Variants in MEGF8 observed in about 807,000 individuals in gnomAD.
MEGF8 encodes the protein multiple EGF like domains 8, also known as multiple epidermal growth factor-like domains protein 8.
A neutral mutation model predicts 302.9 loss-of-function variants in MEGF8; 156 were observed. That is an observed-to-expected ratio of 0.52 (90% confidence interval 0.45 to 0.59). The LOEUF (loss-of-function observed/expected upper bound fraction) is 0.59, where lower values mean the gene tolerates loss of function less well. Ranked by LOEUF, MEGF8 falls within the 20% of genes least tolerant of loss-of-function variation. MEGF8 has a pLI of 0.00. For missense variants in MEGF8, 3,345 were observed against 3,964.5 expected (o/e 0.84, Z 4.20); for synonymous variants, 1,621 against 1,660.5 (o/e 0.98, Z 0.58).
rs1029845137 is a variant in MEGF8, at chr19:42,358,077, C to T, written c.5012-67C>T. 4.8e-5 allele frequency: 67 copies of T among 1,407,102 alleles called. No individual in the cohort carries two copies. Among genetic ancestry groups the T allele is most frequent in the African/African-American group, 5.9e-5 (4 of 67,470 alleles). 87.2% of individuals were successfully genotyped at this position (1,407,102 alleles called of 1,614,324 possible). On this transcript the variant is annotated intron_variant, in intron 28 of 41. Coordinates refer to ENST00000251268, the MANE Select transcript of MEGF8 (RefSeq NM_001271938.2). The surrounding 1 kb of genome is among the most constrained non-coding windows in gnomAD (Gnocchi z 4.4). ...AGGGAGTGGTCACCGAACAGGGGAC[C>T]GGGAGGTCGGCGGGGTCAGTGCTGT...
chr19:42,340,084 C>A (rs2039191069), intron 8 of MEGF8, among the ~76,000 whole-genome samples: 1 of 152,088 alleles, frequency 6.6e-6, no homozygotes, highest in South Asian at 2.1e-4. Context: ...AAAACTATTA[C>A]TTAATCTCTG....
intron 32 of MEGF8, 55 bp from the exon 33 acceptor site, chr19:42,362,035 G>T (rs1423151113): frequency 6.3e-7 from 1 of 1,596,154 alleles, no homozygotes; most frequent in Non-Finnish European, 8.5e-7. Context: ...GTGTCTGGGA[G>T]GCAGAAGGAG....
rs2039254118 is a variant in MEGF8, at chr19:42,344,168, A to G, written c.1788+95A>G. The stretch of plus-strand genomic sequence containing the variant: ...CCAGATGGACAAGAACTTTCCCTCA[A>G]CTGGGAGACTTGTTTTCATGCCGGA... On this transcript the variant is annotated intron_variant, in intron 10 of 41. Transcript: ENST00000251268. The surrounding 1 kb of genome is among the most constrained non-coding windows in gnomAD (Gnocchi z 4.5). 1 of 1,460,848 alleles carries G rather than the reference A, an allele frequency of 6.8e-7. No individual in the cohort carries two copies. The highest frequency in any genetic ancestry group is 2.3e-5 in the Admixed American group (1 of 42,854). 90.5% of individuals were successfully genotyped at this position (1,460,848 alleles called of 1,614,324 possible). A position where few individuals can be genotyped will look rare whatever the true frequency, so the allele number is the denominator to read the frequency against.
At position 42,336,005 on chromosome 19, in the gene MEGF8, C is replaced by T; in HGVS notation, c.903C>T (p.Gly301=). 1 of 1,544,442 alleles carries T rather than the reference C, an allele frequency of 6.5e-7. No homozygotes were observed. The highest frequency in any genetic ancestry group is 8.7e-7 in the Non-Finnish European group (1 of 1,147,048). The stretch of plus-strand genomic sequence containing the variant: ...TGATGGGTGGTGAGCTGGCTGACGG[C>T]TCGCTCACCAACGACGTGTGGGCCT... ...LVLMGGELAD[G]SLTNDVWAFS... The change falls in exon 6 of 42, where the codon GGC becomes GGT. Residue 301 remains glycine (G), a synonymous_variant. Coordinates refer to ENST00000251268, the MANE Select transcript of MEGF8 (RefSeq NM_001271938.2). This position sits in a 1 kb window ranked among gnomAD's most constrained non-coding sequence, Gnocchi z 4.8.
At chr19:42,347,635 A>G (rs956268291) in intron 12 of MEGF8, among the ~76,000 whole-genome samples, 5 of 151,962 alleles carry the variant, frequency 3.3e-5, no homozygotes, top group African/African-American at 1.2e-4. Context: ...TGGGATTACA[A>G]GTGCACGCTA....
rs752290321 is a variant in MEGF8, at chr19:42,353,775, G to C, written c.3762G>C (p.Arg1254=). The change falls in exon 22 of 42, where the codon CGG becomes CGC. Residue 1254 remains arginine, a splice_region_variant and synonymous_variant. Transcript: ENST00000251268. The surrounding 1 kb of genome is among the most constrained non-coding windows in gnomAD (Gnocchi z 6.1). ...CACTGGCTCTTCTCCATCTCCCCAG[G>C]GCCGGTGGTTCCTGCTTTCGGGAGT... ...LCSPGYYGDP[R]AGGSCFRECG... 5 of 1,595,788 alleles carry C rather than the reference G, an allele frequency of 3.1e-6. No homozygotes were observed. The highest frequency in any genetic ancestry group is 4.3e-6 in the Non-Finnish European group (5 of 1,168,306).
chr19:42,361,061 C>T, intron 32 of MEGF8, 55 bp downstream of exon 32: 4 of 1,492,116 alleles, frequency 2.7e-6, no homozygotes, highest in Non-Finnish European at 3.6e-6. Context: ...AATGGGGGTC[C>T]TGTGCTAGGC....
At chr19:42,329,287 C>T (rs1206209087) in intron 1 of MEGF8, among the ~76,000 whole-genome samples, 1 of 152,096 alleles carries the variant, frequency 6.6e-6, no homozygotes, top group Non-Finnish European at 1.5e-5. Flanking sequence ...TAGGGCATTG[C>T]CCTCAGGTTG....
chr19:42,357,787 C>T lies in MEGF8; in HGVS notation c.5011+203C>T, dbSNP rs62114377. 3.7e-3 allele frequency among the ~76,000 whole-genome samples: 561 copies of T among 152,292 alleles called. 1 individual carries two copies. The highest frequency in any genetic ancestry group is 6.5e-3 in the Non-Finnish European group (444 of 68,004). Reference sequence around the variant, plus strand: ...GACTCCACAACTAACTGCCCACTCCCGGCCACATGTGGCCACCGTCCCCTG... The same window carrying T: ...GACTCCACAACTAACTGCCCACTCCTGGCCACATGTGGCCACCGTCCCCTG... On this transcript the variant is annotated intron_variant, in intron 28 of 41. Transcript: ENST00000251268. The surrounding 1 kb of genome is among the most constrained non-coding windows in gnomAD (Gnocchi z 5.2).
intron 32 of MEGF8, among the ~76,000 whole-genome samples, 174 bp downstream of exon 32, chr19:42,361,180 T>TA (rs981577941): frequency 2.6e-4 from 39 of 152,306 alleles, no homozygotes; most frequent in African/African-American, 8.7e-4. Flanking sequence ...TGCCTGGGAC[T>TA]GGGGTCTCAT....
At chr19:42,332,568 ATG>A (rs902014255) in intron 1 of MEGF8, among the ~76,000 whole-genome samples, 1 of 152,098 alleles carries the variant, frequency 6.6e-6, no homozygotes, top group African/African-American at 2.4e-5. Context: ...GGGTTTCGCC[ATG>A]TTGGCTAGGC....
chr19:42,353,751 A>G lies in MEGF8; in HGVS notation c.3762-24A>G. 6.3e-7 allele frequency: 1 copy of G among 1,582,750 alleles called. No individual in the cohort carries two copies. Among genetic ancestry groups the G allele is most frequent in the Non-Finnish European group, 8.6e-7 (1 of 1,160,402 alleles). On this transcript the variant is annotated intron_variant, in intron 21 of 41. Transcript: ENST00000251268. The surrounding 1 kb of genome is among the most constrained non-coding windows in gnomAD (Gnocchi z 6.1). The stretch of plus-strand genomic sequence containing the variant: ...TGGGGAGGGTCAGGACTGGTCTGAC[A>G]CTGGCTCTTCTCCATCTCCCCAGGG...
chr19:42,349,548 T>G lies in MEGF8; in HGVS notation c.2348T>G (p.Leu783Arg). ...VAHQEKETRRLQRPGSARLFP... is the reference protein window; with the variant it reads ...VAHQEKETRRRQRPGSARLFP... ...CATCAGGAGAAGGAGACGCGGCGGC[T>G]GCAGCGCCCTGGGTCTGCTCGCCTC... is the stretch of plus-strand genomic sequence containing the variant. Residue 783 changes from leucine to arginine, a missense_variant, in exon 14 of 42, where the codon CTG (leucine) becomes CGG (arginine). Transcript: ENST00000251268. 1 of 1,612,052 alleles carries G rather than the reference T, an allele frequency of 6.2e-7. No homozygotes were observed. Among genetic ancestry groups the G allele is most frequent in the Non-Finnish European group, 8.5e-7 (1 of 1,179,776 alleles).
rs571835019 is a variant in MEGF8 at position 42,362,422 on chromosome 19, C to T, written c.5883C>T (p.Pro1961=). The part of the protein sequence containing the change: ...TPRCKWCTNC[P]EGACIGRNGS... ...GCTGTAAGTGGTGTACCAACTGCCC[C>T]GAAGGTGCTTGCATTGGACGCAATG... The change falls in exon 34 of 42, where the codon CCC becomes CCT. Residue 1961 remains proline (P), a synonymous_variant. Transcript: ENST00000251268. 1.2e-5 allele frequency: 19 copies of T among 1,613,964 alleles called. No homozygotes were observed. Among genetic ancestry groups the T allele is most frequent in the South Asian group, 2.2e-5 (2 of 91,082 alleles).
Position 42,326,176 on chromosome 19 carries a change from C to G in MEGF8, c.-68C>G. ...AGGTCGCATTTGCAGGGCCTCACCC[C>G]GGGTAGAGGGTCCTCTCCAGGTTTT... On this transcript the variant is annotated 5_prime_UTR_variant, in exon 1 of 42. Transcript: ENST00000251268. The G allele has an allele frequency of 7.0e-7, 1 of 1,434,724 alleles. No individual in the cohort carries two copies. The highest frequency in any genetic ancestry group is 1.6e-5 in the South Asian group (1 of 60,798). 88.9% of individuals were successfully genotyped at this position (1,434,724 alleles called of 1,614,324 possible).
In MEGF8 at chr19:42,351,621, C is replaced by G. The variant is rs764181328; in HGVS notation, c.2988-27C>G. On this transcript the variant is annotated intron_variant, in intron 17 of 41. Coordinates refer to ENST00000251268, the MANE Select transcript of MEGF8 (RefSeq NM_001271938.2). The surrounding 1 kb of genome is among the most constrained non-coding windows in gnomAD (Gnocchi z 5.6). ...TCCCCACCGGCAAGGGGCTGGGGCTCTGACCCCCACCCCTGCCATCCTGCA... is the reference window on the plus strand; with the variant it reads ...TCCCCACCGGCAAGGGGCTGGGGCTGTGACCCCCACCCCTGCCATCCTGCA... The G allele has an allele frequency of 1.3e-6, 2 of 1,594,562 alleles. No individual in the cohort carries two copies. Among genetic ancestry groups the G allele is most frequent in the East Asian group, 4.6e-5 (2 of 43,618 alleles).
Sources: allele counts gnomAD v4.1 joint callset (sites outside exome capture counted in the v4.1 genomes callset), GRCh38; gene constraint gnomAD v4.1.1; non-coding constraint Gnocchi (gnomAD v3.1); transcripts MANE v1.5; gene names NCBI Gene and HGNC (gene_info 2026-07-23, HGNC 2026-07-21).